Variants in DPP10 observed in about 807,000 individuals in gnomAD.
DPP10 encodes the protein dipeptidyl peptidase like 10.
In DPP10, 33 loss-of-function variants were observed where a neutral mutation model predicts 120.9. That is an observed-to-expected ratio of 0.27 (90% CI 0.21 to 0.37). DPP10 has a LOEUF of 0.37. Ranked by LOEUF, DPP10 falls within the 10% of genes least tolerant of loss-of-function variation. The pLI is 1.00. For synonymous variants in DPP10, 337 were observed against 326.1 expected, an observed-to-expected ratio of 1.03 and a Z score of -0.36; for missense variants, 816 against 942.8, an observed-to-expected ratio of 0.87 and a Z score of 1.76.
chr2:114,554,736 C>A (rs1299225159), intron 1 of DPP10, among the ~76,000 whole-genome samples: 1 of 152,208 alleles, frequency 6.6e-6, no homozygotes, highest in Non-Finnish European at 1.5e-5. Context: ...TTAACATCTG[C>A]CCCTTCCAAT....
chr2:114,657,638 C>T (rs1336569269), intron 1 of DPP10, among the ~76,000 whole-genome samples: 1 of 152,072 alleles, frequency 6.6e-6, no homozygotes, highest in Non-Finnish European at 1.5e-5. Context: ...TACTAAATAA[C>T]AGTTTCTAAA....
chr2:114,970,562 T>C (rs746446047), intron 1 of DPP10, among the ~76,000 whole-genome samples: 23 of 152,306 alleles, frequency 1.5e-4, no homozygotes, highest in Admixed American at 6.5e-4. Flanking sequence ...AGATTGTCTC[T>C]GGACAAGGGA....
At chr2:115,791,993 A>G (rs1337867850) in intron 19 of DPP10, among the ~76,000 whole-genome samples, 3 of 152,194 alleles carry the variant, frequency 2.0e-5, no homozygotes, top group Non-Finnish European at 4.4e-5. Flanking sequence ...TATTGATATA[A>G]TAGTGCTTAA....
chr2:115,033,640 A>G (rs913741812), intron 1 of DPP10, among the ~76,000 whole-genome samples: 2 of 151,600 alleles, frequency 1.3e-5, no homozygotes, highest in Non-Finnish European at 2.9e-5. Context: ...ATTTCAGTTC[A>G]CATTCTACTC....
intron 1 of DPP10, among the ~76,000 whole-genome samples, chr2:114,928,368 G>T (rs115419938): frequency 1.2e-3 from 190 of 152,296 alleles, no homozygotes; most frequent in African/African-American, 4.3e-3. Context: ...TGAGCCAAAA[G>T]AAAGGGATAA....
At chr2:115,033,991 A>G (rs958149857) in intron 1 of DPP10, among the ~76,000 whole-genome samples, 1 of 134,152 alleles carries the variant, frequency 7.5e-6, no homozygotes, top group Non-Finnish European at 1.5e-5. Context: ...TCTGTCTCCC[A>G]GGTTCAAGGA....
intron 1 of DPP10, among the ~76,000 whole-genome samples, chr2:114,842,450 A>T (rs923902925): frequency 1.3e-5 from 2 of 152,110 alleles, no homozygotes; most frequent in Admixed American, 6.6e-5. Flanking sequence ...CTAAGTCTAT[A>T]GGACGAGAAG....
chr2:115,032,045 G>GA (rs1219843166), intron 1 of DPP10, among the ~76,000 whole-genome samples: 7 of 152,036 alleles, frequency 4.6e-5, no homozygotes, highest in Middle Eastern at 3.4e-3. Context: ...CAATACATGA[G>GA]AAAAAAATTA....
At chr2:115,732,250 G>A (rs914681303) in intron 8 of DPP10, among the ~76,000 whole-genome samples, 2 of 152,114 alleles carry the variant, frequency 1.3e-5, no homozygotes, top group Non-Finnish European at 2.9e-5. Context: ...GAGAGAAAGA[G>A]TGACATAAAA....
rs112213918 is a variant in DPP10, at chr2:115,334,884, A to C, written c.176-8933A>C. ...AAAACACAAAACAAAACATAACCCA[A>C]AAAATCTATGCAAAATATACCAGGA... On this transcript the variant is annotated intron_variant, in intron 2 of 25. Transcript: ENST00000410059. Among the ~76,000 whole-genome samples the C allele has an allele frequency of 5.9e-3, 900 of 152,060 alleles. 7 individuals carry two copies. Among genetic ancestry groups the C allele is most frequent in the African/African-American group, 0.02 (834 of 41,510 alleles).
At chr2:115,836,781 G>T (rs146499886) in intron 24 of DPP10, 35 bp downstream of exon 24, 2 of 1,587,142 alleles carry the variant, frequency 1.3e-6, no homozygotes, top group South Asian at 2.3e-5. Flanking sequence ...GTTTGATAGG[G>T]TATGACCTTT....
At chr2:115,056,664 G>A (rs1280753558) in intron 1 of DPP10, among the ~76,000 whole-genome samples, 1 of 152,080 alleles carries the variant, frequency 6.6e-6, no homozygotes, top group Non-Finnish European at 1.5e-5. Flanking sequence ...TGGTTTACAG[G>A]TCCTAAATAT....
intron 1 of DPP10, among the ~76,000 whole-genome samples, chr2:115,044,933 G>T (rs1704946521): frequency 6.6e-6 from 1 of 152,062 alleles, no homozygotes; most frequent in South Asian, 2.1e-4. Flanking sequence ...CATCTATGTT[G>T]TTGCAAATGA....
chr2:115,295,465 G>A (rs979173091), intron 1 of DPP10, among the ~76,000 whole-genome samples: 7 of 152,014 alleles, frequency 4.6e-5, no homozygotes, highest in African/African-American at 1.7e-4. Context: ...TAGTATATAT[G>A]TGTTAGAAAT....
intron 19 of DPP10, among the ~76,000 whole-genome samples, chr2:115,801,864 T>A (rs1432019837): frequency 6.6e-6 from 1 of 152,220 alleles, no homozygotes; most frequent in East Asian, 1.9e-4. Context: ...TTTGCATCAA[T>A]GTTCTTCAAG....
At chr2:114,729,824 C>G (rs139199132) in intron 1 of DPP10, among the ~76,000 whole-genome samples, 264 of 152,276 alleles carry the variant, frequency 1.7e-3, no homozygotes, top group African/African-American at 6.2e-3. Flanking sequence ...CTATTTATAG[C>G]CTCAGTCATA....
intron 7 of DPP10, among the ~76,000 whole-genome samples, chr2:115,716,334 T>G (rs1322016794): frequency 1.3e-5 from 2 of 152,220 alleles, no homozygotes. Flanking sequence ...AGCCCCAAAT[T>G]AAAAGTTATT....
intron 5 of DPP10, among the ~76,000 whole-genome samples, chr2:115,652,229 A>T (rs2087849384): frequency 6.6e-6 from 1 of 152,000 alleles, no homozygotes; most frequent in South Asian, 2.1e-4. Context: ...AAGTACAATG[A>T]TTGCACCCAT....
intron 5 of DPP10, among the ~76,000 whole-genome samples, chr2:115,536,853 A>T (rs759357112): frequency 2.6e-5 from 4 of 152,056 alleles, no homozygotes; most frequent in Admixed American, 1.3e-4. Flanking sequence ...TTTTAAAAAA[A>T]ATAAACACCT....
Sources: gnomAD v4.1 joint callset for allele counts (sites outside exome capture counted in the v4.1 genomes callset) on GRCh38, gnomAD v4.1.1 for gene constraint, MANE v1.5 for transcripts, NCBI Gene and HGNC (gene_info 2026-07-23, HGNC 2026-07-21) for gene names.